The following SEMA3D variants were observed in gnomAD, a reference collection of about 807,000 sequenced individuals.
SEMA3D encodes the protein semaphorin 3D.
SEMA3D carries 84 observed loss-of-function variants against 100.1 expected under a neutral mutation model. That is an observed-to-expected ratio of 0.84 (90% CI 0.70 to 1.01). SEMA3D has a LOEUF of 1.01. SEMA3D is among the 50% of genes least tolerant of loss of function. The pLI, the probability that SEMA3D is intolerant of heterozygous loss-of-function variation, is 0.00. For synonymous variants in SEMA3D, 312 were observed against 320.7 expected (o/e 0.97, Z 0.29); for missense variants, 875 against 934.1 (o/e 0.94, Z 0.82).
At chr7:85,050,594 T>C (rs1791136493) in intron 9 of SEMA3D, 1 of 393,440 alleles carries the variant, frequency 2.5e-6, no homozygotes, top group Non-Finnish European at 4.6e-6. Context: ...AGTAAAATTA[T>C]CTTTTAAGTC....
intron 5 of SEMA3D, among the ~76,000 whole-genome samples, chr7:85,078,084 A>G (rs1787936399): frequency 6.6e-6 from 1 of 152,218 alleles, no homozygotes; most frequent in Admixed American, 6.5e-5. Context: ...GACTATGTAT[A>G]CAATGATTTC....
intron 1 of SEMA3D, chr7:85,167,240 G>T: frequency 1.0e-6 from 1 of 980,972 alleles, no homozygotes; most frequent in Non-Finnish European, 1.2e-6. Context: ...CATTTTGCTT[G>T]CAATGCCTCA....
chr7:85,057,288 G>C (rs758960800), intron 8 of SEMA3D, among the ~76,000 whole-genome samples: 1 of 151,990 alleles, frequency 6.6e-6, no homozygotes, highest in East Asian at 1.9e-4. Flanking sequence ...TAACAGATGC[G>C]TAATAGGATG....
At chr7:85,100,451 T>A (rs1021424326) in intron 3 of SEMA3D, among the ~76,000 whole-genome samples, 1 of 151,908 alleles carries the variant, frequency 6.6e-6, no homozygotes, top group African/African-American at 2.4e-5. Flanking sequence ...TCTTATTTTT[T>A]AAATCCTAGA....
chr7:85,181,346 AC>A (rs1194829230), intron 1 of SEMA3D, among the ~76,000 whole-genome samples: 104 of 130,088 alleles, frequency 8.0e-4, no homozygotes, highest in African/African-American at 2.2e-3. Context: ...ACACACACAC[AC>A]ACACACACAC....
the SEMA3D span, among the ~76,000 whole-genome samples, chr7:85,236,281 T>TTTTATTTTATTTA: frequency 7.6e-6 from 1 of 131,976 alleles, no homozygotes; most frequent in East Asian, 2.5e-4. Flanking sequence ...TTTTATTTTA[T>TTTTATTTTATTTA]TTTATTTATT....
At chr7:85,048,483 T>C (rs1583869412) in intron 9 of SEMA3D, among the ~76,000 whole-genome samples, 1 of 151,802 alleles carries the variant, frequency 6.6e-6, no homozygotes, top group Non-Finnish European at 1.5e-5. Context: ...AAGAGACTCA[T>C]TAGAAGTGTA....
chr7:85,144,273 A>G (rs1790136661), intron 2 of SEMA3D: 1 of 170,046 alleles, frequency 5.9e-6, no homozygotes, highest in Non-Finnish European at 1.2e-5. Context: ...TTTACAACTA[A>G]AAGAGGAGAT....
At chr7:85,125,382 T>G (rs1789537850) in intron 2 of SEMA3D, among the ~76,000 whole-genome samples, 1 of 152,062 alleles carries the variant, frequency 6.6e-6, no homozygotes, top group African/African-American at 2.4e-5. Flanking sequence ...ACATGCCCTG[T>G]GCCTCTAACA....
At chr7:85,120,656 G>A (rs997884357) in intron 3 of SEMA3D, among the ~76,000 whole-genome samples, 45 of 115,674 alleles carry the variant, frequency 3.9e-4, no homozygotes, top group Middle Eastern at 7.6e-3. Flanking sequence ...AACAGAATGA[G>A]ACTTCATCTC....
chr7:85,240,611 T>C, the SEMA3D span, among the ~76,000 whole-genome samples: 16 of 152,294 alleles, frequency 1.1e-4, no homozygotes, highest in African/African-American at 3.8e-4. Context: ...CTAGTGAACA[T>C]ATCTGGGCCT....
At position 84,997,031 on chromosome 7, in the gene SEMA3D, CT is replaced by C. The variant is rs571792158; in HGVS notation, c.*2408del. Reference sequence around the variant, plus strand: ...TTTTATTGTGTGAAATTTTATTTTACTAATAATATTTTTAATATATTTTAAC... The same window carrying C: ...TTTTATTGTGTGAAATTTTATTTTACAATAATATTTTTAATATATTTTAAC... On this transcript the variant is annotated 3_prime_UTR_variant, in exon 19 of 19. Transcript: ENST00000284136. 596 of 151,508 alleles carry C rather than the reference CT, an allele frequency of 3.9e-3. 4 individuals are homozygous for C. The highest frequency in any genetic ancestry group is 0.014 in the African/African-American group (574 of 41,398). The allele number at this position is 151,508 out of a possible 1,614,324, so 9.4% of individuals were successfully genotyped here. A position where few individuals can be genotyped will look rare whatever the true frequency, so the allele number is the denominator to read the frequency against.
intron 12 of SEMA3D, among the ~76,000 whole-genome samples, chr7:85,035,905 A>G (rs553084586): frequency 6.6e-6 from 1 of 152,190 alleles, no homozygotes; most frequent in East Asian, 1.9e-4. Context: ...GAAAATAGAG[A>G]TGGTTGTATA....
intron 9 of SEMA3D, among the ~76,000 whole-genome samples, chr7:85,042,532 A>G (rs1325501013): frequency 2.0e-5 from 3 of 152,014 alleles, no homozygotes; most frequent in Non-Finnish European, 4.4e-5. Context: ...GTAGATGCAT[A>G]CAAGGCAATG....
At chr7:85,181,319 AACACACACACACACACAC>A (rs3076567) in intron 1 of SEMA3D, among the ~76,000 whole-genome samples, 13 of 93,590 alleles carry the variant, frequency 1.4e-4, no homozygotes, top group African/African-American at 3.8e-4. Context: ...ACATGCTCAC[AACACACACACACACACAC>A]ACACACACAC....
the SEMA3D span, among the ~76,000 whole-genome samples, chr7:85,211,498 A>AAC: frequency 6.6e-6 from 1 of 152,116 alleles, no homozygotes; most frequent in Admixed American, 6.6e-5. Context: ...TTTGCTGTTG[A>AAC]AATTCTTTCT....
chr7:85,227,564 T>C, the SEMA3D span, among the ~76,000 whole-genome samples: 11 of 152,178 alleles, frequency 7.2e-5, no homozygotes, highest in African/African-American at 2.7e-4. Context: ...TTCAGTTGTT[T>C]ATAAGCTACC....
At chr7:85,062,245 T>C (rs898922532) in intron 8 of SEMA3D, among the ~76,000 whole-genome samples, 2 of 152,156 alleles carry the variant, frequency 1.3e-5, no homozygotes, top group African/African-American at 4.8e-5. Flanking sequence ...GTCAATAAAA[T>C]AGCACTTTAA....
At chr7:85,085,382 C>T (rs970601267) in intron 4 of SEMA3D, among the ~76,000 whole-genome samples, 2 of 151,982 alleles carry the variant, frequency 1.3e-5, no homozygotes, top group African/African-American at 4.8e-5. Context: ...TAAATGATGC[C>T]TCCAAAATTA....
Sources: allele counts gnomAD v4.1 joint callset (sites outside exome capture counted in the v4.1 genomes callset), GRCh38; gene constraint gnomAD v4.1.1; transcripts MANE v1.5; gene names NCBI Gene and HGNC (gene_info 2026-07-23, HGNC 2026-07-21).